Variants in POLG2 observed in about 807,000 individuals in gnomAD.
The protein encoded by POLG2 is DNA polymerase subunit gamma-2.
In POLG2, 50 loss-of-function variants were observed where a neutral mutation model predicts 56.5. The ratio of observed to expected loss-of-function variants is 0.88; its 90% confidence interval spans 0.71 to 1.12. The LOEUF (loss-of-function observed/expected upper bound fraction) is 1.12. Among genes scored for constraint, POLG2 ranks in the 50% most tolerant of loss-of-function variants. POLG2 has a pLI of 0.00. For synonymous variants in POLG2, 226 were observed against 222.6 expected (o/e 1.02, Z -0.14); for missense variants, 584 against 583.3 (o/e 1.00, Z -0.01).
intron 1 of POLG2, among the ~76,000 whole-genome samples, chr17:64,495,920 G>C (rs931125940): frequency 2.0e-5 from 3 of 152,074 alleles, no homozygotes; most frequent in Admixed American, 1.3e-4. Context: ...TGTTGGCCAG[G>C]CTAGTCTCGA....
At chr17:64,493,391 T>A (rs1043345321) in intron 1 of POLG2, among the ~76,000 whole-genome samples, 2 of 152,048 alleles carry the variant, frequency 1.3e-5, no homozygotes, top group South Asian at 4.1e-4. Flanking sequence ...TGCTCCAGCC[T>A]GGGCAACAGA....
intron 1 of POLG2, among the ~76,000 whole-genome samples, chr17:64,495,685 C>T (rs939927727): frequency 3.9e-5 from 6 of 152,116 alleles, no homozygotes; most frequent in African/African-American, 1.4e-4. Context: ...TATCTTGGTT[C>T]CTAATAACAA....
chr17:64,490,002 G>A (rs146140350), intron 4 of POLG2, among the ~76,000 whole-genome samples: 1,617 of 151,358 alleles, frequency 0.011, 16 homozygotes, highest in Non-Finnish European at 0.017. Context: ...TTGGCTCATC[G>A]CAACCTCCAC....
intron 5 of POLG2, 79 bp downstream of exon 5, chr17:64,485,649 A>C: frequency 5.3e-6 from 6 of 1,129,624 alleles, no homozygotes; most frequent in Non-Finnish European, 8.1e-6. Flanking sequence ...TTATGTTAGA[A>C]ACCGAGCACA....
intron 1 of POLG2, among the ~76,000 whole-genome samples, chr17:64,495,181 A>AG (rs1234257976): frequency 9.9e-5 from 15 of 151,276 alleles, no homozygotes; most frequent in Non-Finnish European, 1.6e-4. Flanking sequence ...CTGTCTCAAA[A>AG]AAAAAAAAAA....
At chr17:64,490,528 C>T in intron 4 of POLG2, 2 of 449,314 alleles carry the variant, frequency 4.5e-6, no homozygotes, top group Non-Finnish European at 8.2e-6. Context: ...AGGCATATGA[C>T]AACTACATGA....
intron 3 of POLG2, 25 bp from the exon 4 acceptor site, chr17:64,490,994 C>G: frequency 6.4e-7 from 1 of 1,565,714 alleles, no homozygotes; most frequent in Non-Finnish European, 8.8e-7. Flanking sequence ...TTAAGTTTGT[C>G]TTAACATATT....
intron 1 of POLG2, among the ~76,000 whole-genome samples, chr17:64,494,895 C>A (rs559327310): frequency 8.9e-4 from 135 of 152,262 alleles, no homozygotes; most frequent in Middle Eastern, 6.8e-3. Flanking sequence ...ATCTGGAGGC[C>A]GGGCGCAGTG....
chr17:64,483,529 C>A (rs1471945959), intron 5 of POLG2, among the ~76,000 whole-genome samples: 10 of 140,096 alleles, frequency 7.1e-5, no homozygotes, highest in Non-Finnish European at 1.4e-4. Flanking sequence ...AAAAAAAAAA[C>A]AAATTAACTT....
intron 3 of POLG2, chr17:64,491,393 G>C (rs1242846444): frequency 1.5e-5 from 9 of 619,084 alleles, no homozygotes; most frequent in Non-Finnish European, 2.4e-5. Context: ...TTAGGACTTC[G>C]AGACCAGCCT....
chr17:64,477,879 T>C lies in POLG2; in HGVS notation c.1402A>G (p.Ile468Val). 2 of 1,613,256 alleles carry C rather than the reference T, an allele frequency of 1.2e-6. No individual in the cohort carries two copies. The highest frequency in any genetic ancestry group is 2.2e-5 in the East Asian group (1 of 44,838). The change falls in exon 8 of 8, where the codon ATA becomes GTA. Residue 468 changes from isoleucine (I) to valine (V), a missense_variant. Coordinates refer to ENST00000539111, the MANE Select transcript of POLG2 (RefSeq NM_007215.4). ...ATCAAAAAGTCTTTTAATTTGGATA[T>C]ATGCATCATTTCCTTCATTGTGGTG... Reference protein sequence around the residue: ...RDTTMKEMMHISKLKDFLIKY... With the variant: ...RDTTMKEMMHVSKLKDFLIKY...
At chr17:64,492,873 A>C in intron 2 of POLG2, 22 bp downstream of exon 2, 1 of 1,613,796 alleles carries the variant, frequency 6.2e-7, no homozygotes, top group Non-Finnish European at 8.5e-7. Flanking sequence ...TACAAGGCCA[A>C]GTTATTTGCC....
At chr17:64,490,756 T>A in intron 4 of POLG2, 40 bp downstream of exon 4, 2 of 1,493,656 alleles carry the variant, frequency 1.3e-6, no homozygotes, top group Non-Finnish European at 1.9e-6. Context: ...TTATAGAGAA[T>A]CTGGGTAAAA....
Position 64,490,896 on chromosome 17 carries a change from T to C in POLG2, c.869A>G (p.Tyr290Cys), listed in dbSNP as rs1555668357. 2.5e-6 allele frequency: 4 copies of C among 1,613,836 alleles called. No homozygotes were observed. The highest frequency in any genetic ancestry group is 3.4e-6 in the Non-Finnish European group (4 of 1,179,706). Residue 290 changes from tyrosine to cysteine, a missense_variant, in exon 4 of 8, where the codon TAC becomes TGC. Tyr to Cys is a radical substitution (Grantham distance 194). Coordinates refer to ENST00000539111, the MANE Select transcript of POLG2 (RefSeq NM_007215.4). ...DEEGRKGNKL[Y>C]YNFPWGKELI... is the part of the protein sequence containing the mutation. ...CTCCTTTCCCCAGGGAAAATTGTAG[T>C]AAAGTTTGTTTCCTTTCCGGCCTTC... is the stretch of plus-strand genomic sequence containing the variant.
chr17:64,490,735 T>C (rs2038043505), intron 4 of POLG2, 61 bp downstream of exon 4: 1 of 1,346,306 alleles, frequency 7.4e-7, no homozygotes, highest in African/African-American at 1.4e-5. Flanking sequence ...TCTCAAATGG[T>C]TCGGAAATGA....
In POLG2 at chr17:64,496,867, C is replaced by T. The variant is rs2038162272; in HGVS notation, c.102G>A (p.Thr34=). The change falls in exon 1 of 8, where the codon ACG becomes ACA. Residue 34 remains threonine (T), a synonymous_variant. Coordinates refer to ENST00000539111, the MANE Select transcript of POLG2 (RefSeq NM_007215.4). The part of the protein sequence containing the change: ...RVDAGQPELL[T]ERSSPKGGHV... Reference sequence around the variant, plus strand: ...GCCCTCCTTTGGGGCTACTCCTTTCCGTCAACAGCTCCGGCTGCCCCGCAT... The same window carrying T: ...GCCCTCCTTTGGGGCTACTCCTTTCTGTCAACAGCTCCGGCTGCCCCGCAT... The T allele has an allele frequency of 1.9e-6, 3 of 1,613,750 alleles. No homozygotes were observed. Among genetic ancestry groups the T allele is most frequent in the South Asian group, 1.1e-5 (1 of 91,080 alleles).
intron 7 of POLG2, among the ~76,000 whole-genome samples, chr17:64,478,961 C>T (rs545934591): frequency 6.6e-6 from 1 of 152,008 alleles, no homozygotes; most frequent in Non-Finnish European, 1.5e-5. Context: ...AAACATAGTA[C>T]GTGTTTAATA....
In POLG2 at chr17:64,492,689, T is replaced by C; in HGVS notation, c.773A>G (p.His258Arg). 1 of 1,610,200 alleles carries C rather than the reference T, an allele frequency of 6.2e-7. No individual in the cohort carries two copies. The highest frequency in any genetic ancestry group is 1.3e-5 in the African/African-American group (1 of 74,964). Residue 258 changes from histidine (H) to arginine (R), a missense_variant, in exon 3 of 8, where the codon CAT becomes CGT. His to Arg is a conservative substitution (Grantham distance 29, BLOSUM62 0). Transcript: ENST00000539111. The part of the protein sequence containing the change: ...SNQWLDFWLR[H>R]RLQWWRKFAM... ...TACCTTTCTCCACCACTGGAGTCGA[T>C]GACGTAACCAGAAATCAAGCCACTG...
At chr17:64,485,937 G>T (rs2037944604) in intron 4 of POLG2, 69 bp from the exon 5 acceptor site, 2 of 1,481,572 alleles carry the variant, frequency 1.3e-6, no homozygotes, top group African/African-American at 1.4e-5. Context: ...TTTTGAGACG[G>T]AGTCTCACTC....
Sources: allele counts gnomAD v4.1 joint callset (sites outside exome capture counted in the v4.1 genomes callset), GRCh38; gene constraint gnomAD v4.1.1; transcripts MANE v1.5; gene names NCBI Gene and HGNC (gene_info 2026-07-23, HGNC 2026-07-21).